PPARA: variants seen among roughly 807,000 people sequenced by gnomAD.
PPARA encodes the protein peroxisome proliferator activated receptor alpha, also known as peroxisome proliferator-activated receptor alpha.
In PPARA, 22 loss-of-function variants were observed where a neutral mutation model predicts 42.2. The observed-to-expected ratio is 0.52, with a 90% CI of 0.37 to 0.74. The LOEUF (loss-of-function observed/expected upper bound fraction) is 0.74, where lower values mean the gene tolerates loss of function less well. PPARA is among the 30% of genes least tolerant of loss of function. The pLI is 0.00. For synonymous variants in PPARA, 242 were observed against 239.3 expected, an observed-to-expected ratio of 1.01 and a Z score of -0.10; for missense variants, 465 against 608.2, an observed-to-expected ratio of 0.76 and a Z score of 2.48.
In PPARA at chr22:46,219,101, G is replaced by T. The variant is rs542733183; in HGVS notation, c.508+700G>T. Among the ~76,000 whole-genome samples the T allele has an allele frequency of 6.6e-6, 1 of 152,036 alleles. No individual in the cohort carries two copies. The highest frequency in any genetic ancestry group is 2.4e-5 in the African/African-American group (1 of 41,448). On this transcript the variant is annotated intron_variant, in intron 6 of 8. Transcript: ENST00000407236. The surrounding 1 kb of genome is among the most constrained non-coding windows in gnomAD (Gnocchi z 4.8). The stretch of plus-strand genomic sequence containing the variant: ...AGCTTGAACCCGGGAGGCGGAGGTT[G>T]CAGTGAGCTGAGATCGCACCACTGC...
In PPARA at chr22:46,237,738, C is replaced by T. The variant is rs1048160592; in HGVS notation, c.*2358C>T. 2.1e-4 allele frequency: 32 copies of T among 152,278 alleles called. No individual in the cohort carries two copies. The highest frequency in any genetic ancestry group is 7.7e-4 in the African/African-American group (32 of 41,462). 9.4% of individuals were successfully genotyped at this position (152,278 alleles called of 1,614,324 possible). A position where few individuals can be genotyped will look rare whatever the true frequency, so the allele number is the denominator to read the frequency against. ...AAAGTGTTTCCATATATGCCACCAG[C>T]CAAGTGGCCATCCTAATTCAGAAAG... On this transcript the variant is annotated 3_prime_UTR_variant, in exon 9 of 9. Coordinates refer to ENST00000407236, the MANE Select transcript of PPARA (RefSeq NM_005036.6). The surrounding 1 kb of genome is among the most constrained non-coding windows in gnomAD (Gnocchi z 6.7).
rs1935914232 is a variant in PPARA at position 46,232,090 on chromosome 22, G to A, written c.1010G>A (p.Gly337Glu). The A allele has an allele frequency of 1.9e-6, 3 of 1,614,062 alleles. No individual in the cohort carries two copies. The highest frequency in any genetic ancestry group is 1.3e-5 in the African/African-American group (1 of 74,908). ...KDGMLVAYGN[G>E]FITREFLKSL... The stretch of plus-strand genomic sequence containing the variant: ...GGGATGCTGGTAGCGTATGGAAATG[G>A]GTTTATAACTCGTGAATTCCTAAAA... Residue 337 changes from glycine (G) to glutamate (E), a missense_variant, in exon 8 of 9, where the codon GGG becomes GAG. This residue lies in a region of PPARA where 313 missense variants were observed against 469.1 expected (regional missense o/e 0.67). Transcript: ENST00000407236. This position sits in a 1 kb window ranked among gnomAD's most constrained non-coding sequence, Gnocchi z 5.3.
chr22:46,179,335 A>G (rs919179585), intron 3 of PPARA, among the ~76,000 whole-genome samples: 2 of 152,254 alleles, frequency 1.3e-5, no homozygotes, highest in Non-Finnish European at 1.5e-5. Context: ...TCGTATTAAC[A>G]GGATGAAAAA....
intron 3 of PPARA, among the ~76,000 whole-genome samples, chr22:46,177,040 C>G (rs1929209719): frequency 6.6e-6 from 1 of 152,108 alleles, no homozygotes; most frequent in East Asian, 1.9e-4. Flanking sequence ...GAAACCCTGT[C>G]TCTACTACAA....
At chr22:46,214,448 T>TGGGTCCGGAGATGCGC (rs1934249349) in intron 4 of PPARA, among the ~76,000 whole-genome samples, 2 of 147,528 alleles carry the variant, frequency 1.4e-5, no homozygotes, top group Non-Finnish European at 3.0e-5. Flanking sequence ...AGGAGATGCG[T>TGGGTCCGGAGATGCGC]GGGTCCGGAG....
Position 46,227,593 on chromosome 22 carries a change from G to A in PPARA, c.712-4199G>A, listed in dbSNP as rs1351699389. On this transcript the variant is annotated intron_variant, in intron 7 of 8. Transcript: ENST00000407236. The surrounding 1 kb of genome is among the most constrained non-coding windows in gnomAD (Gnocchi z 4.3). Reference sequence around the variant, plus strand: ...CAAAAAGATGACAGCTGCTAACAGAGATGAATTCTCATGAGTGATATCATT... The same window carrying A: ...CAAAAAGATGACAGCTGCTAACAGAAATGAATTCTCATGAGTGATATCATT... 6.6e-6 allele frequency among the ~76,000 whole-genome samples: 1 copy of A among 152,176 alleles called. No individual in the cohort carries two copies. The highest frequency in any genetic ancestry group is 1.5e-5 in the Non-Finnish European group (1 of 68,042).
At position 46,168,480 on chromosome 22, in the gene PPARA, G is replaced by T. The variant is rs1201475032; in HGVS notation, c.-126-8273G>T. On this transcript the variant is annotated intron_variant, in intron 2 of 8. Transcript: ENST00000407236. ...AACACTTAATAAAATGAAAAGTCAA[G>T]CCATAGACTTAGAGAAAATATTTAC... is the stretch of plus-strand genomic sequence containing the variant. 1.5e-4 allele frequency among the ~76,000 whole-genome samples: 23 copies of T among 150,090 alleles called. 1 individual carries two copies. Among genetic ancestry groups the T allele is most frequent in the Admixed American group, 2.7e-4 (4 of 14,978 alleles).
chr22:46,200,710 G>A lies in PPARA; in HGVS notation c.208+2119G>A, dbSNP rs1334613550. Among the ~76,000 whole-genome samples the A allele has an allele frequency of 6.6e-6, 1 of 152,154 alleles. No individual in the cohort carries two copies. Among genetic ancestry groups the A allele is most frequent in the Non-Finnish European group, 1.5e-5 (1 of 68,022 alleles). On this transcript the variant is annotated intron_variant, in intron 4 of 8. Transcript: ENST00000407236. The surrounding 1 kb of genome is among the most constrained non-coding windows in gnomAD (Gnocchi z 4.8). ...GCAGGCGGATCACCCGAGGTCAGGA[G>A]TTCAAGACCAGTCTGGCCAACATGG...
chr22:46,215,903 T>C (rs921076920), intron 5 of PPARA, among the ~76,000 whole-genome samples: 4 of 152,190 alleles, frequency 2.6e-5, no homozygotes, highest in Non-Finnish European at 5.9e-5. Flanking sequence ...TAATACTTGA[T>C]GTTCCAAGGT....
intron 2 of PPARA, among the ~76,000 whole-genome samples, chr22:46,174,146 G>T (rs1019337721): frequency 1.3e-5 from 2 of 149,886 alleles, no homozygotes; most frequent in African/African-American, 4.9e-5. Context: ...CCACTGCACT[G>T]CAGCCTGGCA....
intron 2 of PPARA, among the ~76,000 whole-genome samples, chr22:46,174,944 T>C (rs1260972904): frequency 2.6e-5 from 4 of 151,938 alleles, no homozygotes; most frequent in African/African-American, 7.3e-5. Context: ...CAGAGTCTCA[T>C]TCTGTCACCC....
Position 46,165,695 on chromosome 22 carries a change from C to G in PPARA, c.-126-11058C>G, listed in dbSNP as rs1926945863. On this transcript the variant is annotated intron_variant, in intron 2 of 8. Transcript: ENST00000407236. The surrounding 1 kb of genome is among the most constrained non-coding windows in gnomAD (Gnocchi z 5.5). The stretch of plus-strand genomic sequence containing the variant: ...GACTGAAGTCCAGTTCTAGCTACGC[C>G]CAGTCCTTGAGACTGGATTAAGGTG... 6.6e-6 allele frequency among the ~76,000 whole-genome samples: 1 copy of G among 152,178 alleles called. No individual in the cohort carries two copies. The highest frequency in any genetic ancestry group is 2.1e-4 in the South Asian group (1 of 4,824).
In PPARA at chr22:46,160,086, C is replaced by T. The variant is rs905262984; in HGVS notation, c.-127+8116C>T. Among the ~76,000 whole-genome samples, 2 of 152,210 alleles carry T rather than the reference C, an allele frequency of 1.3e-5. No individual in the cohort carries two copies. The highest frequency in any genetic ancestry group is 1.5e-5 in the Non-Finnish European group (1 of 68,044). The stretch of plus-strand genomic sequence containing the variant: ...ACCGCCAGCGAAGGGCTGGGAAGTG[C>T]GGATCCAGGGCTGGTGCACTGAACC... On this transcript the variant is annotated intron_variant, in intron 2 of 8. Transcript: ENST00000407236. The surrounding 1 kb of genome is among the most constrained non-coding windows in gnomAD (Gnocchi z 4.5).
chr22:46,176,513 T>C (rs1929085125), intron 2 of PPARA, among the ~76,000 whole-genome samples: 2 of 152,176 alleles, frequency 1.3e-5, no homozygotes, highest in Non-Finnish European at 2.9e-5. Flanking sequence ...GTTTTTCTGT[T>C]ATTATAGTTT....
Position 46,215,115 on chromosome 22 carries a change from T to A in PPARA, c.209-58T>A, listed in dbSNP as rs1419445271. ...CGAAATCACATCCTCATAGACCCGGTTCAGACACAGGATAGTGATGCCTGG... is the reference window on the plus strand; with the variant it reads ...CGAAATCACATCCTCATAGACCCGGATCAGACACAGGATAGTGATGCCTGG... On this transcript the variant is annotated intron_variant, in intron 4 of 8. Transcript: ENST00000407236. 4.4e-6 allele frequency: 7 copies of A among 1,588,892 alleles called. No homozygotes were observed. In the South Asian group the frequency reaches 6.6e-5, roughly 15 times the overall value.
intron 7 of PPARA, among the ~76,000 whole-genome samples, chr22:46,228,595 G>A (rs555035358): frequency 2.0e-5 from 3 of 152,246 alleles, no homozygotes; most frequent in South Asian, 2.1e-4. Flanking sequence ...TGTAAATTAC[G>A]TAGCCAGGCC....
intron 3 of PPARA, among the ~76,000 whole-genome samples, chr22:46,194,568 C>CTTTTTTTTT (rs1158744441): frequency 8.0e-6 from 1 of 125,522 alleles, no homozygotes; most frequent in Admixed American, 8.6e-5. Context: ...TTGCTTTTTC[C>CTTTTTTTTT]TTTTTTTTTT....
chr22:46,235,255 C>CA lies in PPARA; in HGVS notation c.1288dup (p.Met430AsnfsTer75), dbSNP rs1936144193. The CA allele has an allele frequency of 1.9e-6, 3 of 1,613,950 alleles. No homozygotes were observed. Among genetic ancestry groups the CA allele is most frequent in the African/African-American group, 1.3e-5 (1 of 74,930 alleles). On this transcript the variant is annotated frameshift_variant, in exon 9 of 9. Transcript: ENST00000407236. LOFTEE classifies it high-confidence loss of function. The surrounding 1 kb of genome is among the most constrained non-coding windows in gnomAD (Gnocchi z 7.0). ...TATCTTTCTCTTCCCAAAACTTCTTCAAAAAATGGCAGACCTCCGGCAGCT... is the reference window on the plus strand; with the variant it reads ...TATCTTTCTCTTCCCAAAACTTCTTCAAAAAAATGGCAGACCTCCGGCAGCT...
At chr22:46,198,654 CTCTCT>C in intron 4 of PPARA, 63 bp downstream of exon 4, 17 of 1,014,850 alleles carry the variant, frequency 1.7e-5, no homozygotes, top group African/African-American at 5.4e-5. Flanking sequence ...GAAAACTGTT[CTCTCT>C]TTTTTTTTTT....
Sources: allele counts gnomAD v4.1 joint callset (sites outside exome capture counted in the v4.1 genomes callset), GRCh38; gene constraint gnomAD v4.1.1; regional missense constraint gnomAD v4.1.1; non-coding constraint Gnocchi (gnomAD v3.1); transcripts MANE v1.5; gene names NCBI Gene and HGNC (gene_info 2026-07-23, HGNC 2026-07-21).